The following SNTG2 variants were observed in gnomAD, a reference collection of about 807,000 sequenced individuals.
SNTG2 encodes the protein gamma-2-syntrophin.
A neutral mutation model predicts 70.9 loss-of-function variants in SNTG2; 74 were observed. The ratio of observed to expected loss-of-function variants is 1.04; its 90% confidence interval spans 0.86 to 1.27. The LOEUF (loss-of-function observed/expected upper bound fraction) is 1.27. SNTG2 is among the 50% of genes most tolerant of loss of function. The pLI is 0.00. For synonymous variants in SNTG2, 278 were observed against 273.8 expected (o/e 1.02, Z -0.15); for missense variants, 717 against 690.7 (o/e 1.04, Z -0.43).
At chr2:1,279,117 G>A (rs1679412238) in intron 14 of SNTG2, among the ~76,000 whole-genome samples, 2 of 148,404 alleles carry the variant, frequency 1.3e-5, no homozygotes, top group Admixed American at 6.7e-5. Flanking sequence ...GTCAGCGCGC[G>A]AATCACCCGT....
intron 14 of SNTG2, among the ~76,000 whole-genome samples, chr2:1,300,452 G>C (rs9752312): frequency 0.49 from 74,420 of 151,902 alleles, 18,377 homozygotes; most frequent in East Asian, 0.64. Flanking sequence ...AACACCCCAG[G>C]GTGGGTCAGC....
At chr2:1,228,209 C>T (rs988672266) in intron 9 of SNTG2, among the ~76,000 whole-genome samples, 6 of 152,230 alleles carry the variant, frequency 3.9e-5, no homozygotes, top group Non-Finnish European at 8.8e-5. Context: ...GGGGGGCCCT[C>T]GTGGTCATGG....
At chr2:1,261,456 T>C (rs1456941260) in intron 13 of SNTG2, among the ~76,000 whole-genome samples, 3 of 152,202 alleles carry the variant, frequency 2.0e-5, no homozygotes, top group Admixed American at 2.0e-4. Flanking sequence ...TAAAAATTAC[T>C]TTTCCCAACT....
At chr2:1,071,648 AAT>A (rs74364833) in intron 1 of SNTG2, among the ~76,000 whole-genome samples, 115,205 of 146,054 alleles carry the variant, frequency 0.79, 44,717 homozygotes, top group Admixed American at 0.87. Context: ...AAAGTATAAT[AAT>A]AAAAAAAAAA....
chr2:1,322,043 G>A (rs963419966), intron 16 of SNTG2, among the ~76,000 whole-genome samples: 13 of 151,962 alleles, frequency 8.6e-5, no homozygotes, highest in Non-Finnish European at 1.5e-4. Flanking sequence ...AGAAAAATGA[G>A]TTGACTACTT....
intron 12 of SNTG2, among the ~76,000 whole-genome samples, chr2:1,257,646 A>G (rs888151489): frequency 6.6e-6 from 1 of 152,208 alleles, no homozygotes; most frequent in Admixed American, 6.5e-5. Context: ...TAGTATGGAA[A>G]ATGCATTCAA....
intron 9 of SNTG2, chr2:1,219,787 CT>C (rs1674633155): frequency 6.6e-6 from 1 of 151,910 alleles, no homozygotes; most frequent in Non-Finnish European, 1.5e-5. Context: ...AAACCCTTAG[CT>C]TAGGGGTCTT....
At chr2:1,105,840 A>T (rs1343177487) in intron 4 of SNTG2, among the ~76,000 whole-genome samples, 2 of 152,182 alleles carry the variant, frequency 1.3e-5, no homozygotes, top group African/African-American at 2.4e-5. Context: ...TGCATGGCAC[A>T]GGATGGCACC....
At chr2:1,005,813 A>G (rs1190953815) in intron 1 of SNTG2, among the ~76,000 whole-genome samples, 1 of 812 alleles carries the variant, frequency 1.2e-3, no homozygotes, top group Non-Finnish European at 2.4e-3. Flanking sequence ...CAAAATATAT[A>G]TATATATATA....
At chr2:1,116,950 G>T (rs1184920748) in intron 4 of SNTG2, among the ~76,000 whole-genome samples, 1 of 134,778 alleles carries the variant, frequency 7.4e-6, no homozygotes, top group Non-Finnish European at 1.6e-5. Flanking sequence ...GCCCTGGCGT[G>T]TGGGTGCCTG....
chr2:1,115,325 T>C (rs1285935422), intron 4 of SNTG2, among the ~76,000 whole-genome samples: 2 of 152,004 alleles, frequency 1.3e-5, no homozygotes, highest in East Asian at 1.9e-4. Flanking sequence ...TTACAGTCCT[T>C]GGAGGAGGAT....
At chr2:1,202,430 C>A (rs1263682107) in intron 8 of SNTG2, among the ~76,000 whole-genome samples, 3 of 151,676 alleles carry the variant, frequency 2.0e-5, no homozygotes, top group South Asian at 2.1e-4. Context: ...AATATTATGA[C>A]CCCTACAGTC....
chr2:1,175,047 C>G (rs1479175305), intron 8 of SNTG2, among the ~76,000 whole-genome samples: 1 of 152,140 alleles, frequency 6.6e-6, no homozygotes, highest in Non-Finnish European at 1.5e-5. Flanking sequence ...TCTTTCTTAT[C>G]TTAAGTTCAT....
At chr2:951,908 A>G (rs542350751) in intron 1 of SNTG2, among the ~76,000 whole-genome samples, 95 of 152,306 alleles carry the variant, frequency 6.2e-4, no homozygotes, top group African/African-American at 2.3e-3. Context: ...AGGAGCGACC[A>G]GGAATACAGT....
intron 9 of SNTG2, among the ~76,000 whole-genome samples, chr2:1,235,856 T>C (rs1676616888): frequency 6.6e-6 from 1 of 152,246 alleles, no homozygotes; most frequent in African/African-American, 2.4e-5. Flanking sequence ...TTTTGAGGAT[T>C]CTTCTAAAGT....
chr2:1,224,757 G>C (rs1299335259), intron 9 of SNTG2, among the ~76,000 whole-genome samples: 9 of 152,362 alleles, frequency 5.9e-5, no homozygotes, highest in South Asian at 2.1e-4. Context: ...GGTCCAGTCT[G>C]CAGGCCTTGC....
At chr2:1,238,316 A>G (rs1676822778) in intron 10 of SNTG2, among the ~76,000 whole-genome samples, 1 of 152,004 alleles carries the variant, frequency 6.6e-6, no homozygotes, top group Admixed American at 6.5e-5. Context: ...ACACACATAT[A>G]CAGAAATAGT....
Position 1,165,612 on chromosome 2 carries a change from C to A in SNTG2, c.476C>A (p.Pro159Gln). ...ACCGTTGAGTATCTCAGGGAAGCGC[C>A]GGCATTTCTGAAGCTCCCGTTAGGT... ...TITVEYLREA[P>Q]AFLKLPLGSP... The change falls in exon 7 of 17, where the codon CCG (proline) becomes CAG (glutamine). Residue 159 changes from proline (P) to glutamine (Q), a missense_variant. Physicochemically the swap from Pro to Gln is moderately conservative, Grantham distance 76 (BLOSUM62 -1). Transcript: ENST00000308624. The A allele has an allele frequency of 6.2e-7, 1 of 1,612,224 alleles. No homozygotes were observed. Among genetic ancestry groups the A allele is most frequent in the East Asian group, 2.2e-5 (1 of 44,756 alleles).
Position 1,362,606 on chromosome 2 carries a change from A to T in SNTG2, c.1489-4737A>T, listed in dbSNP as rs113806317. On this transcript the variant is annotated intron_variant, in intron 16 of 16. Transcript: ENST00000308624. ...CACTGAGCATTTCAGTAGAGCTTCC[A>T]TGAAGGTCACCGACACTGAGCATTT... Among the ~76,000 whole-genome samples, 984 of 147,386 alleles carry T rather than the reference A, an allele frequency of 6.7e-3. 28 individuals carry two copies. Among genetic ancestry groups the T allele is most frequent in the African/African-American group, 0.021 (821 of 39,814 alleles).
Sources: allele counts gnomAD v4.1 joint callset (sites outside exome capture counted in the v4.1 genomes callset), GRCh38; gene constraint gnomAD v4.1.1; transcripts MANE v1.5; gene names NCBI Gene and HGNC (gene_info 2026-07-23, HGNC 2026-07-21).